Variants in CYRIB observed in about 807,000 individuals in gnomAD.
CYRIB encodes the protein CYFIP related Rac1 interactor B, also known as CYFIP-related Rac1 interactor B.
Under a neutral mutation model 44.2 loss-of-function variants are expected in CYRIB, and 8 were observed. The ratio of observed to expected loss-of-function variants is 0.18; its 90% confidence interval spans 0.11 to 0.33. The LOEUF (loss-of-function observed/expected upper bound fraction) is 0.33, where lower values mean the gene tolerates loss of function less well. Ranked by LOEUF, CYRIB falls within the 10% of genes least tolerant of loss-of-function variation. The pLI is 1.00. For missense variants in CYRIB, 185 were observed against 382.8 expected (o/e 0.48, Z 4.31); for synonymous variants, 131 against 127.2 (o/e 1.03, Z -0.20).
intron 4 of CYRIB, among the ~76,000 whole-genome samples, chr8:129,863,024 CAT>C (rs1162283539): frequency 6.6e-6 from 1 of 152,098 alleles, no homozygotes; most frequent in South Asian, 2.1e-4. Flanking sequence ...AAAAATATTG[CAT>C]ATGTTTCCCA....
Position 129,858,467 on chromosome 8 carries a change from C to G in CYRIB, c.302-2720G>C, listed in dbSNP as rs149306212. On this transcript the variant is annotated intron_variant, in intron 5 of 11. Transcript: ENST00000519824. ...TGACAAATCAGTCCACAAGCTAGGA[C>G]AGGGAAGAATAACTAGTTGATTAGG... is the stretch of plus-strand genomic sequence containing the variant. Among the ~76,000 whole-genome samples the G allele has an allele frequency of 3.2e-3, 493 of 152,222 alleles. 3 individuals carry two copies. The highest frequency in any genetic ancestry group is 0.011 in the African/African-American group (457 of 41,526).
intron 2 of CYRIB, among the ~76,000 whole-genome samples, chr8:129,899,812 G>A (rs1404512666): frequency 6.6e-6 from 1 of 152,232 alleles, no homozygotes; most frequent in Non-Finnish European, 1.5e-5. Flanking sequence ...AGGCTGAACA[G>A]GCAGTTGCTG....
chr8:129,961,900 C>T (rs968720035), intron 2 of CYRIB, among the ~76,000 whole-genome samples: 1 of 152,150 alleles, frequency 6.6e-6, no homozygotes, highest in Non-Finnish European at 1.5e-5. Context: ...GGGCAAGTTC[C>T]TAAACTCTCT....
At position 130,006,267 on chromosome 8, in the gene CYRIB, T is replaced by C. The variant is rs182338152; in HGVS notation, c.-296+10103A>G. On this transcript the variant is annotated intron_variant, in intron 1 of 14. Transcript: ENST00000401979. The stretch of plus-strand genomic sequence containing the variant: ...GCAGTGAGCCGAGATCACGCCGCTG[T>C]ACTCCAGCTTGGGTGACAAAGTGAC... Among the ~76,000 whole-genome samples the C allele has an allele frequency of 2.6e-5, 4 of 151,848 alleles. No individual in the cohort carries two copies. In the East Asian group the frequency reaches 7.8e-4, roughly 30 times the overall value.
chr8:129,999,112 T>C (rs1393407975), intron 1 of CYRIB, among the ~76,000 whole-genome samples: 1 of 150,356 alleles, frequency 6.7e-6, no homozygotes, highest in African/African-American at 2.4e-5. Context: ...AATTGTCCCA[T>C]GCTCTGAGAA....
At chr8:129,925,359 T>A (rs560746643) in intron 1 of CYRIB, among the ~76,000 whole-genome samples, 1 of 152,198 alleles carries the variant, frequency 6.6e-6, no homozygotes, top group South Asian at 2.1e-4. Flanking sequence ...GCCACTGCAG[T>A]CCAGCCTGGG....
At chr8:129,968,404 TTTTA>T (rs939902023) in intron 2 of CYRIB, among the ~76,000 whole-genome samples, 1 of 152,244 alleles carries the variant, frequency 6.6e-6, no homozygotes, top group Non-Finnish European at 1.5e-5. Context: ...TTCTTAATCA[TTTTA>T]TTTCTTTTTT....
intron 1 of CYRIB, among the ~76,000 whole-genome samples, chr8:129,919,154 G>A (rs2082252767): frequency 6.6e-6 from 1 of 152,034 alleles, no homozygotes; most frequent in African/African-American, 2.4e-5. Flanking sequence ...GTGAGCCACC[G>A]TGCCCACCCA....
chr8:129,862,364 G>C, intron 4 of CYRIB, 30 bp from the exon 7 acceptor site: 2 of 1,451,608 alleles, frequency 1.4e-6, no homozygotes, highest in Non-Finnish European at 1.9e-6. Flanking sequence ...AAAATAGTTA[G>C]AGTTAAAAAA....
chr8:129,860,312 A>G (rs986872142), intron 5 of CYRIB, among the ~76,000 whole-genome samples: 2 of 152,222 alleles, frequency 1.3e-5, no homozygotes, highest in Non-Finnish European at 1.5e-5. Context: ...ATAGCATCTG[A>G]GCACCATCAA....
At chr8:129,931,975 A>T (rs2091572914) in intron 1 of CYRIB, among the ~76,000 whole-genome samples, 1 of 151,736 alleles carries the variant, frequency 6.6e-6, no homozygotes, top group South Asian at 2.1e-4. Flanking sequence ...TATGTTAGGA[A>T]ATAATTCTTC....
intron 2 of CYRIB, chr8:129,901,507 C>G (rs2071933569): frequency 6.6e-6 from 1 of 152,158 alleles, no homozygotes; most frequent in Admixed American, 6.5e-5. Context: ...GCCACCGTGC[C>G]CGGCCTGTAA....
At chr8:129,902,522 G>A (rs1041710532) in intron 2 of CYRIB, among the ~76,000 whole-genome samples, 1 of 151,974 alleles carries the variant, frequency 6.6e-6, no homozygotes, top group African/African-American at 2.4e-5. Context: ...GCCCACCCTT[G>A]TTTTTGTTTT....
chr8:129,933,988 G>T (rs983352876), intron 1 of CYRIB, among the ~76,000 whole-genome samples: 1 of 152,048 alleles, frequency 6.6e-6, no homozygotes, highest in African/African-American at 2.4e-5. Context: ...TTTCCAATCA[G>T]AAAGGGCTGT....
chr8:129,859,948 A>T (rs983425913), intron 5 of CYRIB, among the ~76,000 whole-genome samples: 1 of 152,174 alleles, frequency 6.6e-6, no homozygotes, highest in African/African-American at 2.4e-5. Flanking sequence ...TGTCAGCAAA[A>T]CTGAGTATCT....
intron 2 of CYRIB, among the ~76,000 whole-genome samples, chr8:129,963,544 C>T (rs2095357690): frequency 6.6e-6 from 1 of 152,188 alleles, no homozygotes; most frequent in South Asian, 2.1e-4. Context: ...GCACCTGGGT[C>T]CAGGAAGGCC....
At chr8:130,008,157 C>T (rs934937940) in intron 1 of CYRIB, among the ~76,000 whole-genome samples, 10 of 152,024 alleles carry the variant, frequency 6.6e-5, no homozygotes, top group Non-Finnish European at 1.5e-4. Flanking sequence ...TGCAGTGAGC[C>T]GAGATCGTGC....
chr8:130,013,489 G>C (rs2097272602), intron 1 of CYRIB, among the ~76,000 whole-genome samples: 1 of 152,214 alleles, frequency 6.6e-6, no homozygotes, highest in Non-Finnish European at 1.5e-5. Context: ...GATAGTGAAG[G>C]TGTGTCTGAT....
intron 2 of CYRIB, among the ~76,000 whole-genome samples, chr8:129,891,534 G>A (rs902699566): frequency 4.6e-5 from 7 of 152,192 alleles, no homozygotes; most frequent in Admixed American, 1.3e-4. Flanking sequence ...GGATGCCAGT[G>A]TTAATATCAA....
Sources: gnomAD v4.1 joint callset for allele counts (sites outside exome capture counted in the v4.1 genomes callset) on GRCh38, gnomAD v4.1.1 for gene constraint, MANE v1.5 for transcripts, NCBI Gene and HGNC (gene_info 2026-07-23, HGNC 2026-07-21) for gene names.